The following SLCO3A1 variants were observed in gnomAD, a reference collection of about 807,000 sequenced individuals.
SLCO3A1 encodes the protein solute carrier organic anion transporter family member 3A1.
In SLCO3A1, 27 loss-of-function variants were observed where a neutral mutation model predicts 63.1. The ratio of observed to expected loss-of-function variants is 0.43; its 90% CI spans 0.32 to 0.59. The LOEUF (loss-of-function observed/expected upper bound fraction) is 0.59. Among genes scored for constraint, SLCO3A1 ranks in the 20% least tolerant of loss-of-function variants. The pLI is 0.09. For missense variants in SLCO3A1, 773 were observed against 945.8 expected (o/e 0.82, Z 2.40); for synonymous variants, 473 against 409.9 (o/e 1.15, Z -1.86).
chr15:91,858,937 T>A (rs976314851), intron 1 of SLCO3A1, among the ~76,000 whole-genome samples: 3 of 152,194 alleles, frequency 2.0e-5, no homozygotes, highest in African/African-American at 7.2e-5. Context: ...GAGTGAAGAA[T>A]AAAACTCCCT....
Position 92,164,298 on chromosome 15 carries a change from C to G in SLCO3A1, c.*1163C>G. The stretch of plus-strand genomic sequence containing the variant: ...AATATTCTACAAAAACAAGAATATA[C>G]AATGTGTTACAAGAAGAAAAAAAAA... On this transcript the variant is annotated 3_prime_UTR_variant, in exon 10 of 10. Coordinates refer to ENST00000318445, the MANE Select transcript of SLCO3A1 (RefSeq NM_013272.4). The G allele has an allele frequency of 2.0e-6, 2 of 983,592 alleles. No individual in the cohort carries two copies. Among genetic ancestry groups the G allele is most frequent in the Non-Finnish European group, 1.2e-6 (1 of 828,562 alleles). The allele number at this position is 983,592 out of a possible 1,614,324, so 60.9% of individuals were successfully genotyped here.
chr15:92,152,294 T>C (rs1014128876), intron 9 of SLCO3A1, among the ~76,000 whole-genome samples: 5 of 152,228 alleles, frequency 3.3e-5, no homozygotes, highest in Admixed American at 1.3e-4. Flanking sequence ...ATGTCTCTCC[T>C]CACCTTCCTT....
intron 2 of SLCO3A1, among the ~76,000 whole-genome samples, chr15:91,974,226 G>C (rs1190355772): frequency 1.3e-5 from 2 of 150,642 alleles, no homozygotes; most frequent in Admixed American, 1.3e-4. Context: ...CCCTTCATAG[G>C]AGGTCAGCCT....
chr15:92,108,464 G>A (rs960600963), intron 4 of SLCO3A1, among the ~76,000 whole-genome samples: 11 of 152,206 alleles, frequency 7.2e-5, no homozygotes, highest in Non-Finnish European at 1.6e-4. Context: ...CTAGTGTGCT[G>A]AATCTAGCAA....
At position 92,151,025 on chromosome 15, in the gene SLCO3A1, T is replaced by C; in HGVS notation, c.1753+11T>C. The stretch of plus-strand genomic sequence containing the variant: ...TCCTTCGTTTGTTGGGTATGTATTA[T>C]CTCTTTATTTCCTCAATAATGAATT... On this transcript the variant is annotated intron_variant, in intron 9 of 9. Transcript: ENST00000318445. 1 of 1,580,750 alleles carries C rather than the reference T, an allele frequency of 6.3e-7. No individual in the cohort carries two copies.
At chr15:91,891,357 T>TG (rs1320887986) in intron 1 of SLCO3A1, among the ~76,000 whole-genome samples, 1 of 152,222 alleles carries the variant, frequency 6.6e-6, no homozygotes, top group Non-Finnish European at 1.5e-5. Flanking sequence ...ACCCAATGTC[T>TG]GATCCATGAG....
intron 1 of SLCO3A1, among the ~76,000 whole-genome samples, chr15:91,873,413 A>G (rs1423027222): frequency 6.6e-6 from 1 of 152,080 alleles, no homozygotes; most frequent in Non-Finnish European, 1.5e-5. Context: ...TTTTAATTCT[A>G]TTATGACGAA....
intron 2 of SLCO3A1, among the ~76,000 whole-genome samples, chr15:92,005,817 C>A (rs1452774392): frequency 6.6e-6 from 1 of 152,152 alleles, no homozygotes; most frequent in African/African-American, 2.4e-5. Context: ...TAGGGATGGC[C>A]TGTCTATGTG....
chr15:92,121,109 A>G (rs1313685333), intron 5 of SLCO3A1, among the ~76,000 whole-genome samples: 2 of 152,224 alleles, frequency 1.3e-5, no homozygotes, highest in Non-Finnish European at 2.9e-5. Context: ...AAGGTCAGGC[A>G]TGGCTTTACA....
chr15:92,171,868 T>G, exon 11 of SLCO3A1: 1 of 1,546,502 alleles, frequency 6.5e-7, no homozygotes, highest in Non-Finnish European at 8.8e-7. Flanking sequence ...GCTGAGGGCC[T>G]GGCCCTCTTC....
intron 1 of SLCO3A1, among the ~76,000 whole-genome samples, chr15:91,855,157 A>G (rs1259875444): frequency 1.3e-5 from 2 of 152,228 alleles, no homozygotes; most frequent in Non-Finnish European, 2.9e-5. Flanking sequence ...GATTTTGGCC[A>G]TTGAATAACC....
At chr15:92,049,172 GGCAGGTCGT>G (rs1430978534) in intron 2 of SLCO3A1, among the ~76,000 whole-genome samples, 5 of 152,164 alleles carry the variant, frequency 3.3e-5, no homozygotes, top group African/African-American at 1.2e-4. Context: ...ATAGTTTACA[GGCAGGTCGT>G]GCCTGCATCT....
At chr15:91,958,115 G>GA (rs1387525576) in intron 2 of SLCO3A1, among the ~76,000 whole-genome samples, 2 of 152,242 alleles carry the variant, frequency 1.3e-5, no homozygotes, top group African/African-American at 4.8e-5. Flanking sequence ...TAGGAATATT[G>GA]AAAAAATTAA....
chr15:92,090,214 T>C (rs2047454755), intron 2 of SLCO3A1, among the ~76,000 whole-genome samples: 2 of 152,136 alleles, frequency 1.3e-5, no homozygotes, highest in South Asian at 2.1e-4. Context: ...CTCACAAAGA[T>C]GTAATGTCAC....
chr15:92,128,348 C>T lies in SLCO3A1; in HGVS notation c.1374-3C>T, dbSNP rs1472116343. 1 of 1,612,996 alleles carries T rather than the reference C, an allele frequency of 6.2e-7. No individual in the cohort carries two copies. The highest frequency in any genetic ancestry group is 8.5e-7 in the Non-Finnish European group (1 of 1,179,748). ...TGGCTTCCGTGTTTCCTTTCTTTTC[C>T]AGCACAGCACCTGGCTCAGCCCTGG... On this transcript the variant is annotated splice_polypyrimidine_tract_variant and splice_region_variant and intron_variant, in intron 6 of 9. Transcript: ENST00000318445.
chr15:92,152,023 C>G (rs1176367440), intron 9 of SLCO3A1, among the ~76,000 whole-genome samples: 1 of 152,106 alleles, frequency 6.6e-6, no homozygotes, highest in Non-Finnish European at 1.5e-5. Context: ...AAAATATAGA[C>G]TTAGAAAGGG....
chr15:92,055,664 A>G (rs2151501326), intron 2 of SLCO3A1, among the ~76,000 whole-genome samples: 1 of 152,302 alleles, frequency 6.6e-6, no homozygotes, highest in East Asian at 1.9e-4. Flanking sequence ...CATGGCAGAC[A>G]AGAGAAAGAC....
At chr15:92,026,736 G>A (rs184485175) in intron 2 of SLCO3A1, among the ~76,000 whole-genome samples, 3 of 152,282 alleles carry the variant, frequency 2.0e-5, no homozygotes, top group South Asian at 2.1e-4. Context: ...GGTAAAGATG[G>A]ATTCTGAAAA....
At chr15:91,936,072 C>A (rs1899402585) in intron 2 of SLCO3A1, among the ~76,000 whole-genome samples, 1 of 152,170 alleles carries the variant, frequency 6.6e-6, no homozygotes, top group African/African-American at 2.4e-5. Flanking sequence ...TTGCTCCTAA[C>A]CCTGACTAGC....
Sources: gnomAD v4.1 joint callset for allele counts (sites outside exome capture counted in the v4.1 genomes callset) on GRCh38, gnomAD v4.1.1 for gene constraint, MANE v1.5 for transcripts, NCBI Gene and HGNC (gene_info 2026-07-23, HGNC 2026-07-21) for gene names.